MED12L: variants seen among roughly 807,000 people sequenced by gnomAD.
MED12L encodes the protein mediator of RNA polymerase II transcription subunit 12-like protein.
A neutral mutation model predicts 281.3 loss-of-function variants in MED12L; 60 were observed. The ratio of observed to expected loss-of-function variants is 0.21; its 90% CI spans 0.17 to 0.26. The LOEUF (loss-of-function observed/expected upper bound fraction) is 0.26, where lower values mean the gene tolerates loss of function less well. MED12L is among the 10% of genes least tolerant of loss of function. The probability of loss-of-function intolerance (pLI) is 1.00; values close to 1 mark genes in which losing one functional copy is unlikely to be tolerated. For missense variants in MED12L, 2,146 were observed against 2,680.9 expected, an observed-to-expected ratio of 0.80 and a Z score of 4.41; for synonymous variants, 974 against 987.2, an observed-to-expected ratio of 0.99 and a Z score of 0.25.
At chr3:151,309,706 A>G (rs569757815) in intron 16 of MED12L, among the ~76,000 whole-genome samples, 41 of 152,086 alleles carry the variant, frequency 2.7e-4, no homozygotes, top group East Asian at 1.9e-3. Context: ...GTTGTATTCT[A>G]TTTTTGTTGT....
At chr3:151,177,252 C>T (rs1361711891) in intron 11 of MED12L, among the ~76,000 whole-genome samples, 1 of 152,302 alleles carries the variant, frequency 6.6e-6, no homozygotes. Flanking sequence ...GTGAGCCACT[C>T]AGGAGACTTA....
chr3:151,116,064 CAAAAAAAA>C (rs59017489), intron 2 of MED12L, among the ~76,000 whole-genome samples: 1 of 92,284 alleles, frequency 1.1e-5, no homozygotes, highest in East Asian at 2.9e-4. Flanking sequence ...ACTCCATCTC[CAAAAAAAA>C]AAAAAAAAAA....
intron 8 of MED12L, among the ~76,000 whole-genome samples, chr3:151,162,011 A>G (rs1720062623): frequency 6.6e-6 from 1 of 152,240 alleles, no homozygotes; most frequent in South Asian, 2.1e-4. Flanking sequence ...AATAGCACTA[A>G]TTGTTGTTTT....
chr3:151,168,664 G>C (rs1044130532), intron 11 of MED12L, among the ~76,000 whole-genome samples: 8 of 152,184 alleles, frequency 5.3e-5, no homozygotes, highest in Non-Finnish European at 1.2e-4. Flanking sequence ...TGGCAAAAAG[G>C]ATAACAAAAT....
At chr3:151,178,669 T>C (rs1276801572) in intron 11 of MED12L, among the ~76,000 whole-genome samples, 1 of 152,224 alleles carries the variant, frequency 6.6e-6, no homozygotes, top group Non-Finnish European at 1.5e-5. Context: ...TCTCTATGCC[T>C]TGCAGTTTCC....
intron 4 of MED12L, among the ~76,000 whole-genome samples, chr3:151,125,470 C>T (rs1714376656): frequency 6.6e-6 from 1 of 152,186 alleles, no homozygotes; most frequent in Non-Finnish European, 1.5e-5. Context: ...TTTTTCCCCT[C>T]TGCCAATTGT....
At chr3:151,408,007 A>G (rs995856344) in intron 39 of MED12L, among the ~76,000 whole-genome samples, 4 of 152,224 alleles carry the variant, frequency 2.6e-5, no homozygotes, top group Non-Finnish European at 4.4e-5. Context: ...TCCTTAAATA[A>G]TAAGCACCAA....
intron 5 of MED12L, among the ~76,000 whole-genome samples, chr3:151,141,166 G>GTTTTTTTTTTTTTTTTTTTTTTTTT (rs750239134): frequency 1.0e-5 from 1 of 98,120 alleles, no homozygotes; most frequent in African/African-American, 5.3e-5. Flanking sequence ...CGTGCCTGGC[G>GTTTTTTTTTTTTTTTTTTTTTTTTT]TTTTTTTTTT....
intron 2 of MED12L, among the ~76,000 whole-genome samples, chr3:151,107,624 G>GT (rs139534377): frequency 6.6e-6 from 1 of 152,200 alleles, no homozygotes; most frequent in African/African-American, 2.4e-5. Context: ...AAAAGACAGC[G>GT]TATGTGGGAT....
chr3:151,323,186 A>G (rs1315310991), intron 16 of MED12L, among the ~76,000 whole-genome samples: 1 of 151,602 alleles, frequency 6.6e-6, no homozygotes, highest in African/African-American at 2.4e-5. Context: ...TGAACTTAAA[A>G]CCTCTCTCCC....
intron 11 of MED12L, among the ~76,000 whole-genome samples, chr3:151,169,112 T>G (rs1464856447): frequency 3.4e-5 from 5 of 146,706 alleles, no homozygotes; most frequent in Non-Finnish European, 5.9e-5. Context: ...CTTTGTTTTT[T>G]TTTTTTTTTG....
chr3:151,251,604 T>C (rs1009460878), intron 16 of MED12L, among the ~76,000 whole-genome samples: 18 of 152,200 alleles, frequency 1.2e-4, no homozygotes, highest in Non-Finnish European at 2.9e-5. Flanking sequence ...AGTAGAGTGC[T>C]CTGTGATTTG....
In MED12L at chr3:151,109,151, G is replaced by A. The variant is rs147669202; in HGVS notation, c.100-7187G>A. 3.6e-3 allele frequency among the ~76,000 whole-genome samples: 541 copies of A among 151,572 alleles called. 3 individuals are homozygous for A. The highest frequency in any genetic ancestry group is 0.012 in the African/African-American group (510 of 41,278). Reference sequence around the variant, plus strand: ...CGGCTCACTGCAACCTCTGCCTCCCGGGTTCAAGTGATTCTCCTGCCTCCC... The same window carrying A: ...CGGCTCACTGCAACCTCTGCCTCCCAGGTTCAAGTGATTCTCCTGCCTCCC... On this transcript the variant is annotated intron_variant, in intron 2 of 44. Coordinates refer to ENST00000687756, the MANE Select transcript of MED12L (RefSeq NM_001393769.1).
intron 16 of MED12L, among the ~76,000 whole-genome samples, chr3:151,247,454 C>T (rs1735814574): frequency 6.6e-6 from 1 of 151,738 alleles, no homozygotes; most frequent in Admixed American, 6.6e-5. Flanking sequence ...GAGTTCATGT[C>T]CTTTGTAGGG....
At chr3:151,201,078 C>G (rs1369526377) in intron 16 of MED12L, 1 of 152,156 alleles carries the variant, frequency 6.6e-6, no homozygotes, top group African/African-American at 2.4e-5. Context: ...TAAGGGCTTA[C>G]TGTGTGGGCA....
chr3:151,233,652 G>C (rs1732156327), intron 16 of MED12L, among the ~76,000 whole-genome samples: 1 of 152,252 alleles, frequency 6.6e-6, no homozygotes, highest in African/African-American at 2.4e-5. Context: ...AGAATCACTT[G>C]AACCCGGGAG....
rs373664110 is a variant in MED12L at position 151,198,423 on chromosome 3, T to C, written c.2250+4757T>C. On this transcript the variant is annotated intron_variant, in intron 16 of 44. Transcript: ENST00000687756. Reference sequence around the variant, plus strand: ...AGAATTGGTAGCACAAAAAATCCTGTCTTTTATGCATTATTTTCACATCTT... The same window carrying C: ...AGAATTGGTAGCACAAAAAATCCTGCCTTTTATGCATTATTTTCACATCTT... 6.9e-6 allele frequency: 11 copies of C among 1,588,922 alleles called. No homozygotes were observed. The African/African-American group carries it at 1.4e-4, about 20-fold the overall frequency.
chr3:151,101,341 G>A (rs1382489041), intron 2 of MED12L, among the ~76,000 whole-genome samples: 1 of 152,100 alleles, frequency 6.6e-6, no homozygotes, highest in Non-Finnish European at 1.5e-5. Flanking sequence ...CCAGCCTCAC[G>A]GTACCTGTGA....
chr3:151,192,064 C>T lies in MED12L; in HGVS notation c.1969-486C>T, dbSNP rs1003711036. Among the ~76,000 whole-genome samples, 15 of 152,122 alleles carry T rather than the reference C, an allele frequency of 9.9e-5. No individual in the cohort carries two copies. In the South Asian group the frequency reaches 1.9e-3, roughly 19 times the overall value. On this transcript the variant is annotated intron_variant, in intron 14 of 44. Transcript: ENST00000687756. ...TTAAGGCTTGTTTTCAAAATGGTGT[C>T]GGGTTAAAAATATTTAAACATTTGT... is the stretch of plus-strand genomic sequence containing the variant.
Sources: gnomAD v4.1 joint callset for allele counts (sites outside exome capture counted in the v4.1 genomes callset) on GRCh38, gnomAD v4.1.1 for gene constraint, MANE v1.5 for transcripts, NCBI Gene and HGNC (gene_info 2026-07-23, HGNC 2026-07-21) for gene names.